The following ZBTB20 variants were observed in gnomAD, a reference collection of about 807,000 sequenced individuals.
The protein encoded by ZBTB20 is zinc finger and BTB domain-containing protein 20.
Under a neutral mutation model 56.9 loss-of-function variants are expected in ZBTB20, and 9 were observed. That is an observed-to-expected ratio of 0.16 (90% CI 0.10 to 0.28). The LOEUF is 0.28. ZBTB20 is among the 10% of genes least tolerant of loss of function. ZBTB20 has a pLI of 1.00. For missense variants in ZBTB20, 655 were observed against 1,003.0 expected (o/e 0.65, Z 4.69); for synonymous variants, 417 against 420.7 (o/e 0.99, Z 0.11).
chr3:115,147,019 G>A (rs2085017078), intron 1 of ZBTB20, among the ~76,000 whole-genome samples, 200 bp downstream of exon 1: 1 of 149,656 alleles, frequency 6.7e-6, no homozygotes, highest in Non-Finnish European at 1.5e-5. Flanking sequence ...GGGGCGCGGG[G>A]GCGCGCGCGC....
In ZBTB20 at chr3:114,633,744, C is replaced by T. The variant is rs568448885; in HGVS notation, c.-295+59784G>A. On this transcript the variant is annotated intron_variant, in intron 6 of 11. Coordinates refer to ENST00000675478, the MANE Select transcript of ZBTB20 (RefSeq NM_001348800.3). The stretch of plus-strand genomic sequence containing the variant: ...AAATGATTCCAGAATCTTGTAAATG[C>T]TTTGCAATGAAGAGGAAATACAAAT... Among the ~76,000 whole-genome samples the T allele has an allele frequency of 2.6e-5, 4 of 152,174 alleles. No individual in the cohort carries two copies. In the East Asian group the frequency reaches 7.7e-4, roughly 29 times the overall value.
At chr3:114,639,638 C>T (rs1037311998) in intron 6 of ZBTB20, among the ~76,000 whole-genome samples, 1 of 151,878 alleles carries the variant, frequency 6.6e-6, no homozygotes, top group African/African-American at 2.4e-5. Flanking sequence ...TGGGAAAATG[C>T]TTTTTAAGTT....
chr3:114,540,975 A>G (rs988053051), intron 6 of ZBTB20, among the ~76,000 whole-genome samples: 1 of 152,094 alleles, frequency 6.6e-6, no homozygotes, highest in Non-Finnish European at 1.5e-5. Flanking sequence ...ACTGAACCCT[A>G]GGACTTTTTC....
chr3:115,119,649 A>G (rs1441276384), intron 1 of ZBTB20, among the ~76,000 whole-genome samples: 1 of 152,188 alleles, frequency 6.6e-6, no homozygotes, highest in Non-Finnish European at 1.5e-5. Context: ...CATAGAAAGC[A>G]TTCAATAAAT....
At chr3:115,146,378 G>GC (rs1222872304) in intron 1 of ZBTB20, among the ~76,000 whole-genome samples, 1 of 142,400 alleles carries the variant, frequency 7.0e-6, no homozygotes, top group East Asian at 2.4e-4. Context: ...GCTGGGGGCG[G>GC]GGGGTGGGGG....
intron 6 of ZBTB20, among the ~76,000 whole-genome samples, chr3:114,510,712 CT>C (rs1490845650): frequency 2.6e-5 from 4 of 152,064 alleles, no homozygotes; most frequent in Non-Finnish European, 5.9e-5. Flanking sequence ...CTGAACGAAT[CT>C]CTTTCATGTC....
At chr3:114,680,895 T>C (rs545997484) in intron 6 of ZBTB20, among the ~76,000 whole-genome samples, 39 of 152,312 alleles carry the variant, frequency 2.6e-4, no homozygotes, top group African/African-American at 8.9e-4. Context: ...CAGGTATTTA[T>C]TGACTGTCTC....
intron 6 of ZBTB20, among the ~76,000 whole-genome samples, chr3:114,631,751 T>C (rs147753674): frequency 6.6e-6 from 1 of 152,094 alleles, no homozygotes; most frequent in Non-Finnish European, 1.5e-5. Context: ...ATGATTCTGG[T>C]CCTATATTGT....
At chr3:115,121,665 T>C (rs2084184950) in intron 1 of ZBTB20, among the ~76,000 whole-genome samples, 1 of 151,994 alleles carries the variant, frequency 6.6e-6, no homozygotes, top group Non-Finnish European at 1.5e-5. Context: ...TGGCAGAGAA[T>C]GTTGTAAAGC....
At chr3:114,788,913 T>C (rs9817726) in intron 5 of ZBTB20, among the ~76,000 whole-genome samples, 150,082 of 152,246 alleles carry the variant, frequency 0.99, 74,018 homozygotes, top group East Asian at 1. Context: ...GGGGAACTAC[T>C]CTTTATAAAA....
At chr3:115,110,613 CTT>C (rs2083850055) in intron 1 of ZBTB20, among the ~76,000 whole-genome samples, 1 of 152,102 alleles carries the variant, frequency 6.6e-6, no homozygotes, top group Admixed American at 6.5e-5. Flanking sequence ...TTATTTTACA[CTT>C]ATATTGGGTA....
In ZBTB20 at chr3:114,315,172, T is replaced by G. The variant is rs1177636007; in HGVS notation, c.*23833A>C. On this transcript the variant is annotated 3_prime_UTR_variant, in exon 12 of 12. Coordinates refer to ENST00000675478, the MANE Select transcript of ZBTB20 (RefSeq NM_001348800.3). ...ATGGATGGATGTGTGTTTTTGTGGA[T>G]ATATGGATTTATACCGTGCACAGAG... 4 of 152,186 alleles carry G rather than the reference T, an allele frequency of 2.6e-5. No homozygotes were observed. Among genetic ancestry groups the G allele is most frequent in the Admixed American group, 2.6e-4 (4 of 15,276 alleles). The allele number at this position is 152,186 out of a possible 1,614,324, so 9.4% of individuals were successfully genotyped here.
intron 6 of ZBTB20, among the ~76,000 whole-genome samples, chr3:114,653,443 C>T (rs2060232234): frequency 6.6e-6 from 1 of 151,880 alleles, no homozygotes; most frequent in Non-Finnish European, 1.5e-5. Flanking sequence ...AAACGTTAAA[C>T]TAAAGTTGCT....
intron 6 of ZBTB20, among the ~76,000 whole-genome samples, chr3:114,569,495 T>C (rs928932221): frequency 6.6e-6 from 1 of 152,270 alleles, no homozygotes; most frequent in African/African-American, 2.4e-5. Flanking sequence ...TGATCCTCTC[T>C]GGCTCTTACA....
At chr3:114,570,103 T>C (rs933748483) in intron 6 of ZBTB20, among the ~76,000 whole-genome samples, 1 of 127,976 alleles carries the variant, frequency 7.8e-6, no homozygotes, top group South Asian at 2.4e-4. Flanking sequence ...TAATTTGCAA[T>C]AAGGATAACA....
At position 114,413,478 on chromosome 3, in the gene ZBTB20, A is replaced by G. The variant is rs193056887; in HGVS notation, c.-254-24373T>C. ...GAGAAACTAGGCTATCTGGAGGAAA[A>G]TAACTCTAATTCTTTAAGTTAGCAA... On this transcript the variant is annotated intron_variant, in intron 7 of 11. Coordinates refer to ENST00000675478, the MANE Select transcript of ZBTB20 (RefSeq NM_001348800.3). Among the ~76,000 whole-genome samples, 56 of 152,302 alleles carry G rather than the reference A, an allele frequency of 3.7e-4. No individual in the cohort carries two copies. In the East Asian group the frequency reaches 9.1e-3, roughly 25 times the overall value.
intron 6 of ZBTB20, among the ~76,000 whole-genome samples, chr3:114,549,030 T>C (rs1453444046): frequency 6.6e-6 from 1 of 152,182 alleles, no homozygotes; most frequent in East Asian, 1.9e-4. Context: ...TATACTAAGG[T>C]ATTACTATAT....
At chr3:114,400,803 G>C (rs900614041) in intron 7 of ZBTB20, among the ~76,000 whole-genome samples, 1 of 151,952 alleles carries the variant, frequency 6.6e-6, no homozygotes, top group Non-Finnish European at 1.5e-5. Flanking sequence ...GAGACAAAAA[G>C]GATCCAGAAT....
chr3:114,914,462 A>G (rs1426032459), intron 3 of ZBTB20, among the ~76,000 whole-genome samples: 1 of 151,956 alleles, frequency 6.6e-6, no homozygotes, highest in Non-Finnish European at 1.5e-5. Flanking sequence ...ATCAGTTCTA[A>G]TAGTTTTCTG....
Sources: gnomAD v4.1 joint callset for allele counts (sites outside exome capture counted in the v4.1 genomes callset) on GRCh38, gnomAD v4.1.1 for gene constraint, MANE v1.5 for transcripts, NCBI Gene and HGNC (gene_info 2026-07-23, HGNC 2026-07-21) for gene names.